AGBL1: variants seen among roughly 807,000 people sequenced by gnomAD.
AGBL1 encodes the protein AGBL carboxypeptidase 1.
Under a neutral mutation model 118.9 loss-of-function variants are expected in AGBL1, and 130 were observed. That is an observed-to-expected ratio of 1.09 (90% CI 0.95 to 1.26). The LOEUF (loss-of-function observed/expected upper bound fraction) is 1.26. Among genes scored for constraint, AGBL1 ranks in the 50% most tolerant of loss-of-function variants. The pLI is 0.00. For synonymous variants in AGBL1, 555 were observed against 478.9 expected (o/e 1.16, Z -2.08); for missense variants, 1,584 against 1,298.1 (o/e 1.22, Z -3.38).
At chr15:86,774,274 A>G (rs1166168138) in intron 22 of AGBL1, among the ~76,000 whole-genome samples, 6 of 152,124 alleles carry the variant, frequency 3.9e-5, no homozygotes, top group African/African-American at 1.4e-4. Context: ...TCCCCTCACT[A>G]ATTTAAAAAT....
chr15:86,817,234 G>A (rs1447421681), intron 22 of AGBL1, among the ~76,000 whole-genome samples: 1 of 149,852 alleles, frequency 6.7e-6, no homozygotes, highest in Non-Finnish European at 1.5e-5. Flanking sequence ...GGAGGTTGCA[G>A]TGACCCAAGA....
chr15:86,335,193 T>C (rs750647249), intron 17 of AGBL1, among the ~76,000 whole-genome samples: 12 of 151,660 alleles, frequency 7.9e-5, no homozygotes, highest in Non-Finnish European at 1.6e-4. Context: ...GGCTGGAGTG[T>C]AGTGGCGTGA....
chr15:86,406,344 G>C (rs893135375), intron 18 of AGBL1, among the ~76,000 whole-genome samples: 4 of 152,104 alleles, frequency 2.6e-5, no homozygotes, highest in Non-Finnish European at 1.5e-5. Context: ...TCTATTTACC[G>C]AGTGCTCAAC....
At chr15:86,111,653 C>A (rs546879277) in intron 1 of AGBL1, among the ~76,000 whole-genome samples, 2 of 152,144 alleles carry the variant, frequency 1.3e-5, no homozygotes, top group Non-Finnish European at 2.9e-5. Context: ...CCTGGGAGAA[C>A]AAGTTGGGGA....
intron 22 of AGBL1, among the ~76,000 whole-genome samples, chr15:86,897,847 G>A (rs921272379): frequency 1.5e-5 from 2 of 133,492 alleles, no homozygotes; most frequent in East Asian, 2.2e-4. Context: ...TCAGCTCACT[G>A]CAGTTTCGAC....
intron 5 of AGBL1, among the ~76,000 whole-genome samples, chr15:86,181,770 T>G (rs1214980079): frequency 6.6e-6 from 1 of 152,110 alleles, no homozygotes; most frequent in South Asian, 2.1e-4. Flanking sequence ...TACCAATAAC[T>G]AGTTATTTTG....
chr15:86,930,932 A>T (rs1440290571), intron 23 of AGBL1, among the ~76,000 whole-genome samples: 1 of 152,186 alleles, frequency 6.6e-6, no homozygotes, highest in African/African-American at 2.4e-5. Flanking sequence ...TAAAGATAAC[A>T]TCTTACCATA....
At chr15:86,640,074 C>G (rs2142464924) in intron 21 of AGBL1, among the ~76,000 whole-genome samples, 1 of 152,196 alleles carries the variant, frequency 6.6e-6, no homozygotes, top group Non-Finnish European at 1.5e-5. Flanking sequence ...ACTCTATATA[C>G]ATGTCATAGT....
intron 18 of AGBL1, among the ~76,000 whole-genome samples, chr15:86,473,942 G>A (rs1244877636): frequency 6.6e-6 from 1 of 152,076 alleles, no homozygotes; most frequent in Non-Finnish European, 1.5e-5. Context: ...TAGTGGGCTG[G>A]AAAACCCCCA....
chr15:86,670,558 C>T (rs1251435054), intron 21 of AGBL1, among the ~76,000 whole-genome samples: 3 of 149,336 alleles, frequency 2.0e-5, no homozygotes, highest in Non-Finnish European at 1.5e-5. Context: ...GAGCTGAGAT[C>T]GTGCCACTGC....
Position 86,554,388 on chromosome 15 carries a change from G to A in AGBL1, c.2845G>A (p.Ala949Thr). ...RTLPKILDKL[A>T]PAFTMSSCSF... ...TCTTCCCAAAATCCTTGATAAGCTA[G>A]CACCAGCATTCACAATGAGCAGCTG... Residue 949 changes from alanine to threonine, a missense_variant, in exon 21 of 23, where the codon GCA (alanine) becomes ACA (threonine). By Grantham distance (58) the Ala-to-Thr change is moderately conservative. Transcript: ENST00000614907. The A allele has an allele frequency of 1.9e-6, 3 of 1,585,416 alleles. No homozygotes were observed. The highest frequency in any genetic ancestry group is 1.2e-5 in the South Asian group (1 of 86,386).
At chr15:86,820,558 G>A (rs555290578) in intron 22 of AGBL1, among the ~76,000 whole-genome samples, 99 of 152,114 alleles carry the variant, frequency 6.5e-4, no homozygotes, top group African/African-American at 2.3e-3. Flanking sequence ...ACATTTTTGC[G>A]GCCAAGAAAC....
intron 24 of AGBL1, among the ~76,000 whole-genome samples, chr15:87,001,720 C>G (rs962001181): frequency 9.2e-5 from 14 of 152,102 alleles, no homozygotes; most frequent in African/African-American, 3.4e-4. Context: ...TTGCATTTCT[C>G]TGATGGCCAG....
chr15:86,648,532 G>T (rs2085322311), intron 21 of AGBL1, among the ~76,000 whole-genome samples: 1 of 152,150 alleles, frequency 6.6e-6, no homozygotes, highest in African/African-American at 2.4e-5. Context: ...TAAACAATTG[G>T]TTCTGCAAAA....
chr15:86,951,427 T>C (rs1283087670), intron 23 of AGBL1, among the ~76,000 whole-genome samples: 1 of 152,170 alleles, frequency 6.6e-6, no homozygotes, highest in African/African-American at 2.4e-5. Context: ...AAGAAAACAA[T>C]TCAAATGTTG....
chr15:86,810,177 A>G (rs1167260303), intron 22 of AGBL1, among the ~76,000 whole-genome samples: 2 of 152,170 alleles, frequency 1.3e-5, no homozygotes, highest in African/African-American at 4.8e-5. Context: ...GGGACTAAGT[A>G]GATTCTTAGT....
At chr15:86,155,097 A>G (rs1275624522) in intron 4 of AGBL1, among the ~76,000 whole-genome samples, 2 of 152,146 alleles carry the variant, frequency 1.3e-5, no homozygotes, top group African/African-American at 4.8e-5. Flanking sequence ...CTATCTCTTG[A>G]TTTGACTTAT....
At chr15:87,006,443 G>T (rs952240575) in intron 24 of AGBL1, among the ~76,000 whole-genome samples, 3 of 152,162 alleles carry the variant, frequency 2.0e-5, no homozygotes, top group African/African-American at 7.2e-5. Context: ...ACCTCAGACT[G>T]CTGTGCTAGC....
intron 5 of AGBL1, among the ~76,000 whole-genome samples, chr15:86,162,360 C>G (rs1038446496): frequency 2.6e-5 from 4 of 152,142 alleles, no homozygotes; most frequent in African/African-American, 4.8e-5. Flanking sequence ...TAGACCTGCC[C>G]TACTTCTCTA....
Sources: allele counts gnomAD v4.1 joint callset (sites outside exome capture counted in the v4.1 genomes callset), GRCh38; gene constraint gnomAD v4.1.1; transcripts MANE v1.5; gene names NCBI Gene and HGNC (gene_info 2026-07-23, HGNC 2026-07-21).